PTPRS: variants seen among roughly 807,000 people sequenced by gnomAD.
The protein encoded by PTPRS is receptor-type tyrosine-protein phosphatase S.
A neutral mutation model predicts 215.3 loss-of-function variants in PTPRS; 63 were observed. The observed-to-expected ratio is 0.29, with a 90% CI of 0.24 to 0.36. The LOEUF is 0.36. Among genes scored for constraint, PTPRS ranks in the 10% least tolerant of loss-of-function variants. The probability of loss-of-function intolerance (pLI) is 1.00; values close to 1 mark genes in which losing one functional copy is unlikely to be tolerated. For synonymous variants in PTPRS, 1,404 were observed against 1,191.4 expected, an observed-to-expected ratio of 1.18 and a Z score of -3.68; for missense variants, 2,258 against 2,825.8, an observed-to-expected ratio of 0.80 and a Z score of 4.56.
chr19:5,314,053 C>T (rs2049796161), intron 1 of PTPRS, among the ~76,000 whole-genome samples: 2 of 152,104 alleles, frequency 1.3e-5, no homozygotes, highest in African/African-American at 4.8e-5. Context: ...GGAAGGATCG[C>T]TTGAGCCCAG....
intron 1 of PTPRS, among the ~76,000 whole-genome samples, chr19:5,292,942 C>T (rs1005961828): frequency 4.6e-5 from 7 of 152,046 alleles, no homozygotes; most frequent in African/African-American, 7.2e-5. Flanking sequence ...AAAGTGCAAG[C>T]GACGGGCCTG....
chr19:5,282,241 C>G (rs899792813), intron 2 of PTPRS, among the ~76,000 whole-genome samples: 2 of 152,152 alleles, frequency 1.3e-5, no homozygotes, highest in African/African-American at 4.8e-5. Flanking sequence ...AGCAGATACC[C>G]TCTCGGTCTT....
At chr19:5,240,814 G>A (rs1332925052) in intron 11 of PTPRS, among the ~76,000 whole-genome samples, 2 of 150,076 alleles carry the variant, frequency 1.3e-5, no homozygotes, top group African/African-American at 4.9e-5. Context: ...ACTCCAGCCT[G>A]GGCAACAGAG....
rs2049018379 is a variant in PTPRS, at chr19:5,293,566, C to G, written c.-94-7332G>C. ...TGCTCCTCGCTTCCCCAGCTCTGAT[C>G]GTAGCCATGGCAACGCATGAGGAGG... On this transcript the variant is annotated intron_variant, in intron 1 of 37. Coordinates refer to ENST00000262963, the MANE Select transcript of PTPRS (RefSeq NM_002850.4). This position sits in a 1 kb window ranked among gnomAD's most constrained non-coding sequence, Gnocchi z 8.4. Among the ~76,000 whole-genome samples the G allele has an allele frequency of 6.6e-6, 1 of 152,186 alleles. No homozygotes were observed. The highest frequency in any genetic ancestry group is 1.5e-5 in the Non-Finnish European group (1 of 68,026).
rs1414722202 is a variant in PTPRS at position 5,211,745 on chromosome 19, G to A, written c.5079C>T (p.His1693=). The change falls in exon 33 of 38, where the codon CAC becomes CAT. Residue 1693 remains histidine, a synonymous_variant. Coordinates refer to ENST00000262963, the MANE Select transcript of PTPRS (RefSeq NM_002850.4). ...GATTGGCACTGATGAAGCGTGACGT[G>A]TGGGCCTTGGAGTTAGCCAGCCGCT... ...EFKRLANSKA[H]TSRFISANLP... is the part of the protein sequence containing the mutation. 2 of 1,613,520 alleles carry A rather than the reference G, an allele frequency of 1.2e-6. No homozygotes were observed. Among genetic ancestry groups the A allele is most frequent in the Admixed American group, 3.3e-5 (2 of 59,994 alleles).
chr19:5,227,407 G>A (rs1384479743), intron 16 of PTPRS, among the ~76,000 whole-genome samples: 4 of 106,688 alleles, frequency 3.7e-5, no homozygotes, highest in African/African-American at 1.6e-4. Context: ...CACCACAGCT[G>A]TAACAATTTT....
At chr19:5,239,767 G>C (rs1430866691) in intron 12 of PTPRS, among the ~76,000 whole-genome samples, 1 of 151,954 alleles carries the variant, frequency 6.6e-6, no homozygotes, top group African/African-American at 2.4e-5. Flanking sequence ...AAGAGAGGCA[G>C]AGGGATAGAA....
rs141043742 is a variant in PTPRS at position 5,336,894 on chromosome 19, T to A, written c.-95+3770A>T. On this transcript the variant is annotated intron_variant, in intron 1 of 37. Coordinates refer to ENST00000262963, the MANE Select transcript of PTPRS (RefSeq NM_002850.4). ...CGGAGGAAGGGCAACCTGCACAGGC[T>A]TTGCCCGAGAAGGGTTCTCATCCTC... 3.6e-3 allele frequency among the ~76,000 whole-genome samples: 546 copies of A among 152,252 alleles called. 6 individuals are homozygous for A. The highest frequency in any genetic ancestry group is 0.013 in the African/African-American group (533 of 41,562).
rs938453329 is a variant in PTPRS at position 5,205,758 on chromosome 19, A to C, written c.*1016T>G. Among the ~76,000 whole-genome samples the C allele has an allele frequency of 2.0e-5, 3 of 152,072 alleles. No individual in the cohort carries two copies. Among genetic ancestry groups the C allele is most frequent in the Non-Finnish European group, 4.4e-5 (3 of 68,012 alleles). ...TGTGGGGCAGCACAGCCATACAGCC[A>C]CTGTCCCCGAAGAAGTAGGATCCTC... On this transcript the variant is annotated 3_prime_UTR_variant, in exon 38 of 38. Transcript: ENST00000262963.
Position 5,292,085 on chromosome 19 carries a change from C to A in PTPRS, c.-94-5851G>T, listed in dbSNP as rs554606540. 4.6e-5 allele frequency among the ~76,000 whole-genome samples: 7 copies of A among 152,266 alleles called. No homozygotes were observed. In the South Asian group the frequency reaches 1.2e-3, roughly 27 times the overall value. On this transcript the variant is annotated intron_variant, in intron 1 of 37. Coordinates refer to ENST00000262963, the MANE Select transcript of PTPRS (RefSeq NM_002850.4). ...CTGGATGCCCCAGGGTGGATCAAGACCCATTCTGAGCTACCCCATCACAGC... is the reference window on the plus strand; with the variant it reads ...CTGGATGCCCCAGGGTGGATCAAGAACCATTCTGAGCTACCCCATCACAGC...
At position 5,287,550 on chromosome 19, in the gene PTPRS, T is replaced by C. The variant is rs2048445492; in HGVS notation, c.-94-1316A>G. ...CAAGGATAAGATCTTTGTTGCCTAG[T>C]CAGGCTGGCACCCATGCCAGCCCAT... On this transcript the variant is annotated intron_variant, in intron 1 of 37. Coordinates refer to ENST00000262963, the MANE Select transcript of PTPRS (RefSeq NM_002850.4). This position sits in a 1 kb window ranked among gnomAD's most constrained non-coding sequence, Gnocchi z 4.8. Among the ~76,000 whole-genome samples the C allele has an allele frequency of 6.6e-6, 1 of 152,210 alleles. No individual in the cohort carries two copies. The highest frequency in any genetic ancestry group is 2.1e-4 in the South Asian group (1 of 4,814).
intron 9 of PTPRS, among the ~76,000 whole-genome samples, chr19:5,252,002 G>GA (rs1212514412): frequency 1.3e-5 from 2 of 151,488 alleles, no homozygotes; most frequent in African/African-American, 4.9e-5. Flanking sequence ...GGAACACCTG[G>GA]GGTCACATCC....
In PTPRS at chr19:5,210,308, A is replaced by G. The variant is rs2040753092; in HGVS notation, c.5487+161T>C. On this transcript the variant is annotated intron_variant, in intron 35 of 37. Coordinates refer to ENST00000262963, the MANE Select transcript of PTPRS (RefSeq NM_002850.4). This position sits in a 1 kb window ranked among gnomAD's most constrained non-coding sequence, Gnocchi z 4.5. ...AGAGATAAGACCCTCTCTTCCACCT[A>G]TGTGGCAGTAGAAGCAAGTGGCCAA... is the stretch of plus-strand genomic sequence containing the variant. 6.6e-6 allele frequency among the ~76,000 whole-genome samples: 1 copy of G among 152,128 alleles called. No individual in the cohort carries two copies. The highest frequency in any genetic ancestry group is 2.1e-4 in the South Asian group (1 of 4,836).
At position 5,222,925 on chromosome 19, in the gene PTPRS, G is replaced by C. The variant is rs1337555183; in HGVS notation, c.2867C>G (p.Ala956Gly). Residue 956 changes from alanine (A) to glycine (G), a missense_variant, in exon 18 of 38, where the codon GCC becomes GGC. Around this residue, in one of 6 missense-constraint regions of PTPRS, gnomAD observed 361 missense variants for 332.6 expected, o/e 1.09. Coordinates refer to ENST00000262963, the MANE Select transcript of PTPRS (RefSeq NM_002850.4). ...VLLRWLPPVPAERNGAIVKYT... is the reference protein window; with the variant it reads ...VLLRWLPPVPGERNGAIVKYT... ...TTTGACGATGGCCCCGTTGCGCTCGGCGGGCACGGGTGGCAGCCAGCGGAG... is the reference window on the plus strand; with the variant it reads ...TTTGACGATGGCCCCGTTGCGCTCGCCGGGCACGGGTGGCAGCCAGCGGAG... 1 of 1,561,344 alleles carries C rather than the reference G, an allele frequency of 6.4e-7. No individual in the cohort carries two copies. Among genetic ancestry groups the C allele is most frequent in the Non-Finnish European group, 8.6e-7 (1 of 1,160,990 alleles).
At position 5,269,211 on chromosome 19, in the gene PTPRS, C is replaced by T. The variant is rs565018119; in HGVS notation, c.380-4015G>A. Among the ~76,000 whole-genome samples the T allele has an allele frequency of 7.6e-4, 115 of 152,254 alleles. 1 individual carries two copies. The highest frequency in any genetic ancestry group is 2.6e-3 in the African/African-American group (107 of 41,558). On this transcript the variant is annotated intron_variant, in intron 4 of 37. Transcript: ENST00000262963. The stretch of plus-strand genomic sequence containing the variant: ...CCGTGCCCACGTGTCCACACGTGAG[C>T]AATTCCCGTGTGTATGTGGCCCCGC...
chr19:5,217,373 C>T (rs533544280), intron 25 of PTPRS, among the ~76,000 whole-genome samples: 18 of 152,044 alleles, frequency 1.2e-4, no homozygotes, highest in Admixed American at 3.9e-4. Context: ...GCTGAAAAAC[C>T]AAAGCAACAC....
intron 2 of PTPRS, among the ~76,000 whole-genome samples, chr19:5,278,835 G>A (rs2047612662): frequency 6.6e-6 from 1 of 151,976 alleles, no homozygotes; most frequent in African/African-American, 2.4e-5. Context: ...TTAAATGGAG[G>A]AGGTGTGTAT....
intron 13 of PTPRS, among the ~76,000 whole-genome samples, chr19:5,232,750 C>A (rs2043122017): frequency 9.9e-6 from 1 of 101,484 alleles, no homozygotes; most frequent in African/African-American, 3.4e-5. Flanking sequence ...TTATTAGGCA[C>A]CTACTAATAA....
chr19:5,207,557 G>A (rs2040477655), intron 37 of PTPRS, among the ~76,000 whole-genome samples: 1 of 152,196 alleles, frequency 6.6e-6, no homozygotes, highest in African/African-American at 2.4e-5. Context: ...CCCCTCCACT[G>A]GAACATTCCC....
Sources: gnomAD v4.1 joint callset for allele counts (sites outside exome capture counted in the v4.1 genomes callset) on GRCh38, gnomAD v4.1.1 for gene constraint, gnomAD v4.1.1 regional missense constraint, Gnocchi (gnomAD v3.1) non-coding constraint, MANE v1.5 for transcripts, NCBI Gene and HGNC (gene_info 2026-07-23, HGNC 2026-07-21) for gene names.